The following MTCH1 variants were observed in gnomAD, a reference collection of about 807,000 sequenced individuals.
The protein encoded by MTCH1 is mitochondrial carrier 1, also known as mitochondrial carrier homolog 1.
MTCH1 carries 23 observed loss-of-function variants against 49.3 expected under a neutral mutation model. That is an observed-to-expected ratio of 0.47 (90% CI 0.34 to 0.66). The LOEUF (loss-of-function observed/expected upper bound fraction) is 0.66, where lower values mean the gene tolerates loss of function less well. Ranked by LOEUF, MTCH1 falls within the 30% of genes least tolerant of loss-of-function variation. The pLI, the probability that MTCH1 is intolerant of heterozygous loss-of-function variation, is 0.01. For missense variants in MTCH1, 397 were observed against 532.1 expected (o/e 0.75, Z 2.50); for synonymous variants, 229 against 215.2 (o/e 1.06, Z -0.56).
At chr6:36,969,137 G>A (rs1341175377) in intron 11 of MTCH1, 163 bp from the exon 12 acceptor site, 1 of 985,340 alleles carries the variant, frequency 1.0e-6, no homozygotes, top group Non-Finnish European at 1.2e-6. Context: ...ATCTGCCTGT[G>A]TTGAAGCAGA....
Position 36,982,902 on chromosome 6 carries a change from C to T in MTCH1, c.322-1230G>A, listed in dbSNP as rs1302296649. 2.0e-5 allele frequency among the ~76,000 whole-genome samples: 3 copies of T among 152,214 alleles called. No homozygotes were observed. The highest frequency in any genetic ancestry group is 6.5e-5 in the Admixed American group (1 of 15,294). On this transcript the variant is annotated intron_variant, in intron 1 of 11. Transcript: ENST00000373627. This position sits in a 1 kb window ranked among gnomAD's most constrained non-coding sequence, Gnocchi z 4.1. ...TGCCCTCTAAGCAGGCCAGCTGGGC[C>T]CATGGACCAGAGCGATTCCTCTGAC...
chr6:36,982,475 C>G lies in MTCH1; in HGVS notation c.322-803G>C, dbSNP rs1764133584. On this transcript the variant is annotated intron_variant, in intron 1 of 11. Transcript: ENST00000373627. This position sits in a 1 kb window ranked among gnomAD's most constrained non-coding sequence, Gnocchi z 4.1. ...CTCACCGCAACCTCCACCTCCTCCA[C>G]CTCCCGGGTTCAAGTGATTCTCCTA... is the stretch of plus-strand genomic sequence containing the variant. 1.3e-5 allele frequency among the ~76,000 whole-genome samples: 2 copies of G among 152,066 alleles called. No homozygotes were observed. The highest frequency in any genetic ancestry group is 6.5e-5 in the Admixed American group (1 of 15,268).
intron 1 of MTCH1, among the ~76,000 whole-genome samples, 176 bp from the exon 2 acceptor site, chr6:36,981,848 C>T (rs1764107852): frequency 6.6e-6 from 1 of 152,202 alleles, no homozygotes; most frequent in Admixed American, 6.5e-5. Context: ...TGTCTCTAAC[C>T]ATTGGCAGCA....
At position 36,972,041 on chromosome 6, in the gene MTCH1, G is replaced by C. The variant is rs73422769; in HGVS notation, c.906+611C>G. On this transcript the variant is annotated intron_variant, in intron 8 of 11. Coordinates refer to ENST00000373627, the MANE Select transcript of MTCH1 (RefSeq NM_001271641.2). This position sits in a 1 kb window ranked among gnomAD's most constrained non-coding sequence, Gnocchi z 4.1. Reference sequence around the variant, plus strand: ...GTGTAGACCACAGCTAACAAAATAGGAGGGTGTATCGGACTGTACACTTCC... The same window carrying C: ...GTGTAGACCACAGCTAACAAAATAGCAGGGTGTATCGGACTGTACACTTCC... Among the ~76,000 whole-genome samples, 9,337 of 152,134 alleles carry C rather than the reference G, an allele frequency of 0.061. 933 individuals carry two copies. Among genetic ancestry groups the C allele is most frequent in the African/African-American group, 0.21 (8,632 of 41,452 alleles).
At chr6:36,970,767 A>G in intron 8 of MTCH1, 73 bp from the exon 9 acceptor site, 1 of 1,491,890 alleles carries the variant, frequency 6.7e-7, no homozygotes, top group South Asian at 1.2e-5. Flanking sequence ...ACATGCCCTC[A>G]CCCCACCCTC....
intron 11 of MTCH1, 34 bp downstream of exon 11, chr6:36,970,005 C>A: frequency 6.2e-7 from 1 of 1,611,858 alleles, no homozygotes; most frequent in Non-Finnish European, 8.5e-7. Context: ...TAGCAAAGAA[C>A]AGGAAAGGCC....
chr6:36,976,705 T>G lies in MTCH1; in HGVS notation c.701+494A>C, dbSNP rs1430398197. Reference sequence around the variant, plus strand: ...AGACCCACCTCCGTGTCAACACATATGCCCCTGGCACCTACCCAGGGCTGC... The same window carrying G: ...AGACCCACCTCCGTGTCAACACATAGGCCCCTGGCACCTACCCAGGGCTGC... On this transcript the variant is annotated intron_variant, in intron 6 of 11. Transcript: ENST00000373627. 3 of 410,432 alleles carry G rather than the reference T, an allele frequency of 7.3e-6. No homozygotes were observed. In the Admixed American group the frequency reaches 8.1e-5, roughly 11 times the overall value. 25.4% of individuals were successfully genotyped at this position (410,432 alleles called of 1,614,324 possible). A position where few individuals can be genotyped will look rare whatever the true frequency, so the allele number is the denominator to read the frequency against.
In MTCH1 at chr6:36,983,621, C is replaced by T. The variant is rs1018734442; in HGVS notation, c.322-1949G>A. 3.3e-5 allele frequency among the ~76,000 whole-genome samples: 5 copies of T among 152,154 alleles called. No individual in the cohort carries two copies. The South Asian group carries it at 8.3e-4, about 25-fold the overall frequency. ...CCAATTTCAACCTCAAATCTGTTAA[C>T]CCAGTCCTAACTACGGCAAATGCTG... On this transcript the variant is annotated intron_variant, in intron 1 of 11. Coordinates refer to ENST00000373627, the MANE Select transcript of MTCH1 (RefSeq NM_001271641.2).
In MTCH1 at chr6:36,977,746, G is replaced by T; in HGVS notation, c.592-55C>A. 2 of 1,482,006 alleles carry T rather than the reference G, an allele frequency of 1.3e-6. No homozygotes were observed. The highest frequency in any genetic ancestry group is 1.9e-6 in the Non-Finnish European group (2 of 1,080,364). 91.8% of individuals were successfully genotyped at this position (1,482,006 alleles called of 1,614,324 possible). A position where few individuals can be genotyped will look rare whatever the true frequency, so the allele number is the denominator to read the frequency against. On this transcript the variant is annotated intron_variant, in intron 4 of 11. Transcript: ENST00000373627. The surrounding 1 kb of genome is among the most constrained non-coding windows in gnomAD (Gnocchi z 5.4). ...CACCCTCGGCCTGTCTCTGGAACTGGCCCTCGAGGGGAGCTACAAGTGCTC... is the reference window on the plus strand; with the variant it reads ...CACCCTCGGCCTGTCTCTGGAACTGTCCCTCGAGGGGAGCTACAAGTGCTC...
In MTCH1 at chr6:36,977,488, G is replaced by A. The variant is rs1459079350; in HGVS notation, c.649+146C>T. 7.2e-6 allele frequency: 5 copies of A among 690,536 alleles called. No homozygotes were observed. Among genetic ancestry groups the A allele is most frequent in the Non-Finnish European group, 1.3e-5 (5 of 397,094 alleles). The allele number at this position is 690,536 out of a possible 1,614,324, so 42.8% of individuals were successfully genotyped here. ...AGAATTCCAATCTCTCCTCAGTGAG[G>A]TGGGTTCCAGTAGAATACCCCCAAC... is the stretch of plus-strand genomic sequence containing the variant. On this transcript the variant is annotated intron_variant, in intron 5 of 11. Transcript: ENST00000373627. The surrounding 1 kb of genome is among the most constrained non-coding windows in gnomAD (Gnocchi z 5.4).
intron 8 of MTCH1, among the ~76,000 whole-genome samples, chr6:36,971,718 A>G (rs1186346038): frequency 6.6e-6 from 1 of 152,120 alleles, no homozygotes; most frequent in Non-Finnish European, 1.5e-5. Context: ...CATGCTGAAC[A>G]TGACCCCCTT....
At position 36,968,645 on chromosome 6, in the gene MTCH1, G is replaced by A. The variant is rs544295421; in HGVS notation, c.*258C>T. 2.5e-5 allele frequency: 14 copies of A among 552,728 alleles called. No individual in the cohort carries two copies. The highest frequency in any genetic ancestry group is 2.9e-4 in the Middle Eastern group (1 of 3,500). The allele number at this position is 552,728 out of a possible 1,614,324, so 34.2% of individuals were successfully genotyped here. On this transcript the variant is annotated 3_prime_UTR_variant, in exon 12 of 12. Coordinates refer to ENST00000373627, the MANE Select transcript of MTCH1 (RefSeq NM_001271641.2). ...CACAAGACAGACTCAGCAAATCTGC[G>A]AGGTATGGGGATTCTGCCAACTCCC... is the stretch of plus-strand genomic sequence containing the variant.
chr6:36,978,532 A>G lies in MTCH1; in HGVS notation c.486T>C (p.Ser162=). ...LSPRLMSNAL[S]TVTRGSMKKV... is the part of the protein sequence containing the mutation. Reference sequence around the variant, plus strand: ...TCTTCATGCTACCCCGAGTCACAGTAGAGAGGGCGTTGGACATCAGCCGGG... The same window carrying G: ...TCTTCATGCTACCCCGAGTCACAGTGGAGAGGGCGTTGGACATCAGCCGGG... The change falls in exon 3 of 12, where the codon TCT becomes TCC. Residue 162 remains serine (S), a synonymous_variant. Coordinates refer to ENST00000373627, the MANE Select transcript of MTCH1 (RefSeq NM_001271641.2). 6.2e-7 allele frequency: 1 copy of G among 1,614,120 alleles called. No individual in the cohort carries two copies. Among genetic ancestry groups the G allele is most frequent in the Non-Finnish European group, 8.5e-7 (1 of 1,179,964 alleles).
chr6:36,977,417 G>C lies in MTCH1; in HGVS notation c.650-167C>G, dbSNP rs1475825293. The stretch of plus-strand genomic sequence containing the variant: ...TTCCCTGTTACACCCCATGACCACA[G>C]CATGCCATTTCTACTGCCTGGGAAG... On this transcript the variant is annotated intron_variant, in intron 5 of 11. Transcript: ENST00000373627. This position sits in a 1 kb window ranked among gnomAD's most constrained non-coding sequence, Gnocchi z 5.4. Among the ~76,000 whole-genome samples, 2 of 152,100 alleles carry C rather than the reference G, an allele frequency of 1.3e-5. No individual in the cohort carries two copies. Among genetic ancestry groups the C allele is most frequent in the Non-Finnish European group, 2.9e-5 (2 of 68,012 alleles).
At chr6:36,979,210 A>T (rs977002818) in intron 2 of MTCH1, among the ~76,000 whole-genome samples, 5 of 152,168 alleles carry the variant, frequency 3.3e-5, no homozygotes, top group Non-Finnish European at 7.3e-5. Flanking sequence ...TTGATTAGTC[A>T]AGGGAAAAAC....
rs535529603 is a variant in MTCH1 at position 36,978,410 on chromosome 6, A to C, written c.513+95T>G. The C allele has an allele frequency of 5.0e-4, 628 of 1,264,216 alleles. 6 individuals carry two copies. In the South Asian group the frequency reaches 6.7e-3, roughly 13 times the overall value. The allele number at this position is 1,264,216 out of a possible 1,614,324, so 78.3% of individuals were successfully genotyped here. On this transcript the variant is annotated intron_variant, in intron 3 of 11. Coordinates refer to ENST00000373627, the MANE Select transcript of MTCH1 (RefSeq NM_001271641.2). ...GAGTGAAGCCCCCAATGGTCTGGGA[A>C]GGAGGAGGCAAGACCAGGGTAACTG... is the stretch of plus-strand genomic sequence containing the variant.
At chr6:36,984,933 G>A (rs1021536877) in intron 1 of MTCH1, among the ~76,000 whole-genome samples, 1 of 151,994 alleles carries the variant, frequency 6.6e-6, no homozygotes, top group African/African-American at 2.4e-5. Flanking sequence ...CAAGCACTGT[G>A]ATTCCTCTCT....
chr6:36,971,695 CCA>C (rs926640561), intron 8 of MTCH1, among the ~76,000 whole-genome samples: 1 of 151,728 alleles, frequency 6.6e-6, no homozygotes, highest in Non-Finnish European at 1.5e-5. Flanking sequence ...CAGACATGTA[CCA>C]CACACACACA....
At chr6:36,970,286 G>T in intron 10 of MTCH1, 120 bp downstream of exon 10, 1 of 1,471,182 alleles carries the variant, frequency 6.8e-7, no homozygotes. Context: ...AGGGTGCCTG[G>T]CAGGCCAAGC....
Sources: gnomAD v4.1 joint callset for allele counts (sites outside exome capture counted in the v4.1 genomes callset) on GRCh38, gnomAD v4.1.1 for gene constraint, Gnocchi (gnomAD v3.1) non-coding constraint, MANE v1.5 for transcripts, NCBI Gene and HGNC (gene_info 2026-07-23, HGNC 2026-07-21) for gene names.